Variants in ZNF79 observed in about 807,000 individuals in gnomAD.
The protein encoded by ZNF79 is zinc finger protein 79, also known as ZNFpT7.
Under a neutral mutation model 14.9 loss-of-function variants are expected in ZNF79, and 13 were observed. The observed-to-expected ratio is 0.87, with a 90% CI of 0.57 to 1.38. The LOEUF (loss-of-function observed/expected upper bound fraction) is 1.38. ZNF79 is among the 40% of genes most tolerant of loss of function. ZNF79 has a pLI of 0.00. For missense variants in ZNF79, 631 were observed against 630.6 expected (o/e 1.00, Z -0.01); for synonymous variants, 223 against 235.1 (o/e 0.95, Z 0.47).
chr9:127,427,681 G>A lies in ZNF79; in HGVS notation c.17-1151G>A, dbSNP rs187352441. On this transcript the variant is annotated intron_variant, in intron 1 of 4. Transcript: ENST00000342483. Reference sequence around the variant, plus strand: ...CTCAGCCTCCCAGGTAGCTGGGCCTGCAGGCATGCGCCACCACGGCTAATT... The same window carrying A: ...CTCAGCCTCCCAGGTAGCTGGGCCTACAGGCATGCGCCACCACGGCTAATT... Among the ~76,000 whole-genome samples the A allele has an allele frequency of 8.5e-3, 1,293 of 151,670 alleles. 14 individuals carry two copies. The highest frequency in any genetic ancestry group is 0.011 in the Non-Finnish European group (723 of 67,918).
At chr9:127,425,042 G>T in intron 1 of ZNF79, 1 of 1,026,880 alleles carries the variant, frequency 9.7e-7, no homozygotes, top group Non-Finnish European at 1.4e-6. Context: ...ACCTCAGACT[G>T]CGTGATTTCT....
At chr9:127,437,339 C>A (rs1833967335) in intron 4 of ZNF79, among the ~76,000 whole-genome samples, 2 of 44,652 alleles carry the variant, frequency 4.5e-5, no homozygotes, top group Admixed American at 1.5e-4. Context: ...TCTCTCAAGG[C>A]CCCCCCCCGC....
intron 2 of ZNF79, among the ~76,000 whole-genome samples, chr9:127,431,551 A>G (rs1256085463): frequency 1.3e-5 from 2 of 152,120 alleles, no homozygotes; most frequent in Non-Finnish European, 2.9e-5. Flanking sequence ...GCCTGACCCT[A>G]ATAGTTTCTT....
intron 1 of ZNF79, among the ~76,000 whole-genome samples, chr9:127,425,752 C>G (rs1178786623): frequency 2.6e-5 from 4 of 152,170 alleles, no homozygotes; most frequent in Non-Finnish European, 5.9e-5. Flanking sequence ...GACACCAAGT[C>G]CAGCTAATTT....
In ZNF79 at chr9:127,444,624, C is replaced by A. The variant is rs142070658; in HGVS notation, c.924C>A (p.Ser308Arg). The A allele has an allele frequency of 4.7e-4, 754 of 1,613,722 alleles. 1 individual carries two copies. The African/African-American group carries it at 8.8e-3, about 19-fold the overall frequency. Reference protein sequence around the residue: ...IHTGEKPYECSDCGKAFRHSA... With the variant: ...IHTGEKPYECRDCGKAFRHSA... Reference sequence around the variant, plus strand: ...CCGGAGAGAAGCCCTACGAATGCAGCGACTGTGGGAAGGCCTTCCGTCACA... The same window carrying A: ...CCGGAGAGAAGCCCTACGAATGCAGAGACTGTGGGAAGGCCTTCCGTCACA... Residue 308 changes from serine (S) to arginine (R), a missense_variant, in exon 5 of 5, where the codon AGC becomes AGA. Ser to Arg is a moderately radical substitution (Grantham distance 110). Transcript: ENST00000342483.
chr9:127,438,707 G>C (rs962081950), intron 4 of ZNF79, among the ~76,000 whole-genome samples: 1 of 152,138 alleles, frequency 6.6e-6, no homozygotes, highest in African/African-American at 2.4e-5. Flanking sequence ...GGGTCGTAAG[G>C]CCCACAATCA....
At position 127,429,084 on chromosome 9, in the gene ZNF79, G is replaced by A. The variant is rs930680642; in HGVS notation, c.105+164G>A. Among the ~76,000 whole-genome samples, 13 of 152,188 alleles carry A rather than the reference G, an allele frequency of 8.5e-5. No individual in the cohort carries two copies. In the East Asian group the frequency reaches 2.3e-3, roughly 27 times the overall value. On this transcript the variant is annotated intron_variant, in intron 2 of 4. Transcript: ENST00000342483. Reference sequence around the variant, plus strand: ...GGCTGGAGTGCAGTGGCATGATCTTGGCTCACTGCAACCTCCACATGCTGG... The same window carrying A: ...GGCTGGAGTGCAGTGGCATGATCTTAGCTCACTGCAACCTCCACATGCTGG...
rs769834739 is a variant in ZNF79 at position 127,435,288 on chromosome 9, G to T, written c.232+72G>T. Reference sequence around the variant, plus strand: ...ATCTGTGGCACTTGCTTTCCAGCATGTAGGGGTTTCTGACTGGTGTGATGT... The same window carrying T: ...ATCTGTGGCACTTGCTTTCCAGCATTTAGGGGTTTCTGACTGGTGTGATGT... On this transcript the variant is annotated intron_variant, in intron 3 of 4. Transcript: ENST00000342483. 34 of 1,493,768 alleles carry T rather than the reference G, an allele frequency of 2.3e-5. No homozygotes were observed. In the Admixed American group the frequency reaches 2.6e-4, roughly 12 times the overall value. The allele number at this position is 1,493,768 out of a possible 1,614,324, so 92.5% of individuals were successfully genotyped here.
intron 4 of ZNF79, among the ~76,000 whole-genome samples, chr9:127,443,402 G>A (rs1834084882): frequency 6.6e-6 from 1 of 152,154 alleles, no homozygotes; most frequent in Non-Finnish European, 1.5e-5. Context: ...GTGAGACTCT[G>A]TCTCAATTAA....
intron 2 of ZNF79, among the ~76,000 whole-genome samples, chr9:127,431,036 G>A (rs1339306746): frequency 1.3e-5 from 2 of 152,174 alleles, no homozygotes; most frequent in East Asian, 3.8e-4. Context: ...GATTAGTGAT[G>A]ATGAGCATTT....
Position 127,424,710 on chromosome 9 carries a change from A to G in ZNF79, c.-78A>G, listed in dbSNP as rs1833717772. The G allele has an allele frequency of 6.2e-7, 1 of 1,607,470 alleles. No homozygotes were observed. The highest frequency in any genetic ancestry group is 1.7e-5 in the Admixed American group (1 of 59,594). ...GGGAGCCGTCAGAGCAGCCCTGCAGAACGGGGTGGGGGCTGCTGTAGATAG... is the reference window on the plus strand; with the variant it reads ...GGGAGCCGTCAGAGCAGCCCTGCAGGACGGGGTGGGGGCTGCTGTAGATAG... On this transcript the variant is annotated 5_prime_UTR_variant, in exon 1 of 5. Coordinates refer to ENST00000342483, the MANE Select transcript of ZNF79 (RefSeq NM_007135.3).
chr9:127,439,070 C>T (rs1341907632), intron 4 of ZNF79, among the ~76,000 whole-genome samples: 7 of 151,786 alleles, frequency 4.6e-5, no homozygotes, highest in African/African-American at 1.7e-4. Flanking sequence ...CAAGATCGTG[C>T]CACTGCACTC....
chr9:127,444,867 C>T lies in ZNF79; in HGVS notation c.1167C>T (p.Tyr389=), dbSNP rs577713787. The T allele has an allele frequency of 1.2e-6, 2 of 1,613,820 alleles. No homozygotes were observed. The highest frequency in any genetic ancestry group is 2.7e-5 in the African/African-American group (2 of 74,952). ...GGACTCACACTGGGGAGAAACCCTA[C>T]AAGTGCAGCGAGTGTGGGAAGGCCT... ...HQRTHTGEKP[Y]KCSECGKAFS... The change falls in exon 5 of 5, where the codon TAC becomes TAT. Residue 389 remains tyrosine, a synonymous_variant. Coordinates refer to ENST00000342483, the MANE Select transcript of ZNF79 (RefSeq NM_007135.3).
chr9:127,440,765 G>A (rs1332079879), intron 4 of ZNF79, among the ~76,000 whole-genome samples: 2 of 152,134 alleles, frequency 1.3e-5, no homozygotes, highest in Non-Finnish European at 2.9e-5. Context: ...TGTAAGAGAG[G>A]GGTCAGGACA....
At chr9:127,428,513 G>C in intron 1 of ZNF79, 1 of 250,970 alleles carries the variant, frequency 4.0e-6, no homozygotes. Flanking sequence ...CTTCACAGCA[G>C]ATTATCCCTT....
At position 127,444,093 on chromosome 9, in the gene ZNF79, A is replaced by G. The variant is rs1218886548; in HGVS notation, c.393A>G (p.Pro131=). The G allele has an allele frequency of 6.2e-7, 1 of 1,612,588 alleles. No individual in the cohort carries two copies. The highest frequency in any genetic ancestry group is 8.5e-7 in the Non-Finnish European group (1 of 1,179,934). Residue 131 remains proline, a synonymous_variant, in exon 5 of 5, where the codon CCA becomes CCG. Coordinates refer to ENST00000342483, the MANE Select transcript of ZNF79 (RefSeq NM_007135.3). ...TTTCTGAAGCTTCATTCCAAGACCC[A>G]TGTGTAGAGATGCCCCCTGGGGATT... ...QALSEASFQD[P]CVEMPPGDSD... is the part of the protein sequence containing the mutation.
rs1833717720 is a variant in ZNF79, at chr9:127,424,707, C to T, written c.-81C>T. ...CCTGGGAGCCGTCAGAGCAGCCCTG[C>T]AGAACGGGGTGGGGGCTGCTGTAGA... On this transcript the variant is annotated 5_prime_UTR_variant, in exon 1 of 5. Transcript: ENST00000342483. The T allele has an allele frequency of 6.2e-7, 1 of 1,604,152 alleles. No homozygotes were observed.
At chr9:127,426,695 G>A (rs1833762116) in intron 1 of ZNF79, among the ~76,000 whole-genome samples, 1 of 152,226 alleles carries the variant, frequency 6.6e-6, no homozygotes, top group African/African-American at 2.4e-5. Context: ...GCATGCGTCA[G>A]TACTTCATCC....
rs764086759 is a variant in ZNF79, at chr9:127,444,643, C to T, written c.943C>T (p.Arg315Cys). 8.7e-6 allele frequency: 14 copies of T among 1,609,078 alleles called. No individual in the cohort carries two copies. Among genetic ancestry groups the T allele is most frequent in the East Asian group, 2.2e-5 (1 of 44,580 alleles). ...ATGCAGCGACTGTGGGAAGGCCTTC[C>T]GTCACAGTGCAAACCTCACGAACCA... ...YECSDCGKAFRHSANLTNHQR... is the reference protein window; with the variant it reads ...YECSDCGKAFCHSANLTNHQR... Residue 315 changes from arginine to cysteine, a missense_variant, in exon 5 of 5, where the codon CGT (arginine) becomes TGT (cysteine). Arg to Cys is a radical substitution (Grantham distance 180, BLOSUM62 -3). Coordinates refer to ENST00000342483, the MANE Select transcript of ZNF79 (RefSeq NM_007135.3).
Sources: gnomAD v4.1 joint callset for allele counts (sites outside exome capture counted in the v4.1 genomes callset) on GRCh38, gnomAD v4.1.1 for gene constraint, MANE v1.5 for transcripts, NCBI Gene and HGNC (gene_info 2026-07-23, HGNC 2026-07-21) for gene names.